Variants in SAMM50 observed in about 807,000 individuals in gnomAD.
SAMM50 encodes sorting and assembly machinery component 50 homolog.
SAMM50 carries 47 observed loss-of-function variants against 66.9 expected under a neutral mutation model. The ratio of observed to expected loss-of-function variants is 0.70; its 90% CI spans 0.56 to 0.90. The LOEUF (loss-of-function observed/expected upper bound fraction) is 0.90, where lower values mean the gene tolerates loss of function less well. SAMM50 is among the 40% of genes least tolerant of loss of function. The pLI, the probability that SAMM50 is intolerant of heterozygous loss-of-function variation, is 0.00. For synonymous variants in SAMM50, 191 were observed against 214.1 expected (o/e 0.89, Z 0.94); for missense variants, 535 against 595.3 (o/e 0.90, Z 1.05).
At position 43,977,157 on chromosome 22, in the gene SAMM50, T is replaced by C. The variant is rs2050236978; in HGVS notation, c.849+336T>C. Reference sequence around the variant, plus strand: ...TCCGAAGGCAGGGGTCACCCCTCAATGGCTGCAGGGCAGGTGCATCGTGGC... The same window carrying C: ...TCCGAAGGCAGGGGTCACCCCTCAACGGCTGCAGGGCAGGTGCATCGTGGC... On this transcript the variant is annotated intron_variant, in intron 9 of 14. Transcript: ENST00000350028. Among the ~76,000 whole-genome samples the C allele has an allele frequency of 3.3e-5, 5 of 152,292 alleles. No homozygotes were observed. The South Asian group carries it at 8.3e-4, about 25-fold the overall frequency.
intron 3 of SAMM50, among the ~76,000 whole-genome samples, chr22:43,966,627 A>G (rs2050174840): frequency 6.6e-6 from 1 of 152,122 alleles, no homozygotes; most frequent in Non-Finnish European, 1.5e-5. Flanking sequence ...GAGTGCTGGG[A>G]TTACAGGTGT....
At chr22:43,993,715 T>C (rs2050337992) in intron 14 of SAMM50, among the ~76,000 whole-genome samples, 1 of 152,200 alleles carries the variant, frequency 6.6e-6, no homozygotes, top group African/African-American at 2.4e-5. Flanking sequence ...GTCATCAATA[T>C]TGGAATTTCG....
chr22:43,993,785 G>A (rs566959683), intron 14 of SAMM50, among the ~76,000 whole-genome samples: 2 of 152,252 alleles, frequency 1.3e-5, no homozygotes, highest in African/African-American at 2.4e-5. Flanking sequence ...TAGCTGGCAG[G>A]ATGGGGTATC....
In SAMM50 at chr22:43,990,307, T is replaced by C; in HGVS notation, c.1265T>C (p.Ile422Thr). 2 of 1,614,174 alleles carry C rather than the reference T, an allele frequency of 1.2e-6. No homozygotes were observed. Among genetic ancestry groups the C allele is most frequent in the East Asian group, 2.2e-5 (1 of 44,874 alleles). ...CATATTCGTAAGCTGGCTGAGTGCA[T>C]CCGCTGGTCGTACGGGGCCGGGATT... ...KAHIRKLAEC[I>T]RWSYGAGIVL... The change falls in exon 14 of 15, where the codon ATC (isoleucine) becomes ACC (threonine). Residue 422 changes from isoleucine to threonine, a missense_variant. By Grantham distance (89) the Ile-to-Thr change is moderately conservative. Coordinates refer to ENST00000350028, the MANE Select transcript of SAMM50 (RefSeq NM_015380.5).
At chr22:43,978,072 T>C (rs2050242378) in intron 10 of SAMM50, 114 bp downstream of exon 10, 1 of 672,814 alleles carries the variant, frequency 1.5e-6, no homozygotes, top group East Asian at 2.9e-5. Flanking sequence ...TGGGCGGTAA[T>C]GCTTAACCTT....
intron 1 of SAMM50, among the ~76,000 whole-genome samples, chr22:43,962,496 A>AT (rs1281263946): frequency 6.6e-6 from 1 of 152,208 alleles, no homozygotes; most frequent in African/African-American, 2.4e-5. Context: ...TTGCTTTAAT[A>AT]TTTTGAGGTA....
intron 1 of SAMM50, among the ~76,000 whole-genome samples, chr22:43,959,442 A>G (rs1167407718): frequency 6.6e-6 from 1 of 151,712 alleles, no homozygotes; most frequent in African/African-American, 2.4e-5. Flanking sequence ...TTATTGACTG[A>G]CTGGTAGACC....
At chr22:43,995,145 T>C (rs5764055) in intron 14 of SAMM50, among the ~76,000 whole-genome samples, 108,144 of 152,054 alleles carry the variant, frequency 0.71, 39,615 homozygotes, top group African/African-American at 0.9. Context: ...TTGAAGGGGC[T>C]GCAGTCCTGG....
chr22:43,973,254 T>C lies in SAMM50; in HGVS notation c.579T>C (p.Tyr193=). The C allele has an allele frequency of 1.9e-6, 3 of 1,602,684 alleles. No individual in the cohort carries two copies. Among genetic ancestry groups the C allele is most frequent in the South Asian group, 1.1e-5 (1 of 90,740 alleles). Residue 193 remains tyrosine, a synonymous_variant, in exon 7 of 15, where the codon TAT becomes TAC. Transcript: ENST00000350028. The part of the protein sequence containing the change: ...NFERNFSVNL[Y]KVTGQFPWSS... ...CTCCTAGTTTCTCTGTAAACTTATA[T>C]AAAGTTACTGGACAGTTCCCTTGGA...
chr22:43,981,307 G>A (rs2050263486), intron 10 of SAMM50, 84 bp from the exon 11 acceptor site: 2 of 1,062,482 alleles, frequency 1.9e-6, no homozygotes, highest in African/African-American at 1.6e-5. Context: ...CGGGCATTCA[G>A]TGTGTGGCCA....
intron 14 of SAMM50, among the ~76,000 whole-genome samples, chr22:43,990,944 A>G (rs1405408452): frequency 1.3e-5 from 2 of 151,858 alleles, no homozygotes; most frequent in Non-Finnish European, 2.9e-5. Flanking sequence ...ACACAGTTAT[A>G]TAAACAAATT....
At position 43,970,818 on chromosome 22, in the gene SAMM50, A is replaced by G. The variant is rs148630696; in HGVS notation, c.323-1418A>G. On this transcript the variant is annotated intron_variant, in intron 4 of 14. Coordinates refer to ENST00000350028, the MANE Select transcript of SAMM50 (RefSeq NM_015380.5). ...TGTGCGCCTAAAGCTGCTCTAAGAA[A>G]TAAAGTCCACTAAATAAAAAATAAA... Among the ~76,000 whole-genome samples the G allele has an allele frequency of 4.9e-3, 739 of 152,222 alleles. 3 individuals are homozygous for G. Among genetic ancestry groups the G allele is most frequent in the African/African-American group, 0.017 (710 of 41,534 alleles).
rs998574961 is a variant in SAMM50, at chr22:43,990,974, T to C, written c.1364+568T>C. ...CAAATTCTATTTCTTACATGCATTG[T>C]GTAAAATTTTTTTTTTTTTTGAGAC... On this transcript the variant is annotated intron_variant, in intron 14 of 14. Coordinates refer to ENST00000350028, the MANE Select transcript of SAMM50 (RefSeq NM_015380.5). 7.0e-4 allele frequency among the ~76,000 whole-genome samples: 83 copies of C among 118,026 alleles called. 1 individual carries two copies. The highest frequency in any genetic ancestry group is 2.8e-3 in the African/African-American group (76 of 26,918). 77.4% of individuals were successfully genotyped at this position (118,026 alleles called of 152,430 possible).
chr22:43,985,940 T>G (rs1002684418), intron 12 of SAMM50, among the ~76,000 whole-genome samples: 4 of 146,810 alleles, frequency 2.7e-5, no homozygotes, highest in Non-Finnish European at 6.0e-5. Flanking sequence ...TGAGTTTGTG[T>G]TTTTTTTTTT....
chr22:43,966,745 T>C (rs972195296), intron 3 of SAMM50, among the ~76,000 whole-genome samples: 3 of 152,308 alleles, frequency 2.0e-5, no homozygotes, highest in Middle Eastern at 3.4e-3. Flanking sequence ...GCCATCTTGT[T>C]AGAAGAAAAA....
intron 7 of SAMM50, 118 bp downstream of exon 7, chr22:43,973,441 C>T: frequency 1.5e-6 from 1 of 655,014 alleles, no homozygotes; most frequent in East Asian, 2.9e-5. Context: ...GCCCTCCGCA[C>T]CAGGTACCTC....
intron 3 of SAMM50, among the ~76,000 whole-genome samples, chr22:43,968,226 C>CAAAAAAAAA (rs66961907): frequency 1.7e-4 from 12 of 68,634 alleles, no homozygotes; most frequent in African/African-American, 4.8e-4. Context: ...AACTCTGTCT[C>CAAAAAAAAA]AAAAAAAAAA....
chr22:43,990,288 C>A lies in SAMM50; in HGVS notation c.1246C>A (p.Arg416Ser). 6.2e-7 allele frequency: 1 copy of A among 1,614,178 alleles called. No homozygotes were observed. The highest frequency in any genetic ancestry group is 1.1e-5 in the South Asian group (1 of 91,078). Residue 416 changes from arginine (R) to serine (S), a missense_variant, in exon 14 of 15, where the codon CGT becomes AGT. Transcript: ENST00000350028. ...AGGGGAGGGCCCCAAAGCTCATATT[C>A]GTAAGCTGGCTGAGTGCATCCGCTG... ...NYGEGPKAHI[R>S]KLAECIRWSY...
intron 1 of SAMM50, chr22:43,956,945 T>C: frequency 1.8e-6 from 1 of 548,670 alleles, no homozygotes; most frequent in Non-Finnish European, 3.2e-6. Context: ...TACTAGCAAG[T>C]AGGTCAGAGT....
Sources: allele counts gnomAD v4.1 joint callset (sites outside exome capture counted in the v4.1 genomes callset), GRCh38; gene constraint gnomAD v4.1.1; transcripts MANE v1.5; gene names NCBI Gene and HGNC (gene_info 2026-07-23, HGNC 2026-07-21).